Variants in RAB24 observed in about 807,000 individuals in gnomAD.
RAB24 encodes RAB24, member RAS oncogene family.
Under a neutral mutation model 31.4 loss-of-function variants are expected in RAB24, and 9 were observed. The observed-to-expected ratio is 0.29, with a 90% CI of 0.17 to 0.50. The LOEUF is 0.50. Among genes scored for constraint, RAB24 ranks in the 20% least tolerant of loss-of-function variants. RAB24 has a pLI of 0.98. For synonymous variants in RAB24, 106 were observed against 94.1 expected, an observed-to-expected ratio of 1.13 and a Z score of -0.73; for missense variants, 197 against 265.2, an observed-to-expected ratio of 0.74 and a Z score of 1.79.
At chr5:177,302,709 C>A (rs1713648646) in intron 3 of RAB24, 43 bp downstream of exon 3, 1 of 1,611,974 alleles carries the variant, frequency 6.2e-7, no homozygotes, top group African/African-American at 1.4e-5. Flanking sequence ...AGCCTGGCAC[C>A]CATCTTTTCT....
intron 5 of RAB24, 22 bp downstream of exon 5, chr5:177,302,375 C>CA (rs1561589553): frequency 1.1e-5 from 18 of 1,611,614 alleles, no homozygotes; most frequent in Non-Finnish European, 1.4e-5. Context: ...CCCCACCCCC[C>CA]AAAGGGCTGA....
intron 2 of RAB24, 52 bp downstream of exon 2, chr5:177,302,957 C>G: frequency 6.2e-7 from 1 of 1,602,710 alleles, no homozygotes; most frequent in African/African-American, 1.3e-5. Context: ...TAGGCAGGAC[C>G]TACACCTCCT....
chr5:177,302,500 A>C lies in RAB24; in HGVS notation c.334-4T>G. On this transcript the variant is annotated splice_region_variant and splice_polypyrimidine_tract_variant and intron_variant, in intron 4 of 7. Coordinates refer to ENST00000303251, the MANE Select transcript of RAB24 (RefSeq NM_001031677.4). ...CACATAAGTAGATTTGGCAGCCCTG[A>C]GGCAGAAGACAAGGGTCACCTCCAC... 6.2e-7 allele frequency: 1 copy of C among 1,614,016 alleles called. No homozygotes were observed. Among genetic ancestry groups the C allele is most frequent in the Non-Finnish European group, 8.5e-7 (1 of 1,180,022 alleles).
Position 177,302,631 on chromosome 5 carries a change from G to A in RAB24, c.279C>T (p.Ser93=). The A allele has an allele frequency of 6.2e-7, 1 of 1,614,124 alleles. No homozygotes were observed. Among genetic ancestry groups the A allele is most frequent in the Non-Finnish European group, 8.5e-7 (1 of 1,180,032 alleles). Reference sequence around the variant, plus strand: ...AGAACTTTGCTCGCTCAAAGCTGCTGCTGTCTGTGAGGTCTTGGTGTGCGG... The same window carrying A: ...AGAACTTTGCTCGCTCAAAGCTGCTACTGTCTGTGAGGTCTTGGTGTGCGG... ...AAIVCYDLTD[S]SSFERAKFWV... The change falls in exon 4 of 8, where the codon AGC becomes AGT. Residue 93 remains serine (S), a synonymous_variant. Coordinates refer to ENST00000303251, the MANE Select transcript of RAB24 (RefSeq NM_001031677.4).
chr5:177,303,226 A>C lies in RAB24; in HGVS notation c.63T>G (p.Thr21=). Residue 21 remains threonine, a synonymous_variant, in exon 1 of 8, where the codon ACT becomes ACG. Coordinates refer to ENST00000303251, the MANE Select transcript of RAB24 (RefSeq NM_001031677.4). The surrounding 1 kb of genome is among the most constrained non-coding windows in gnomAD (Gnocchi z 6.1). ...CGTGCACGTAGCGCTCCACCAGGCTAGTCTTGCCCACGTACTCCTTGCCCA... is the reference window on the plus strand; with the variant it reads ...CGTGCACGTAGCGCTCCACCAGGCTCGTCTTGCCCACGTACTCCTTGCCCA... ...VMLGKEYVGK[T]SLVERYVHDR... is the part of the protein sequence containing the mutation. 6.2e-7 allele frequency: 1 copy of C among 1,613,744 alleles called. No individual in the cohort carries two copies. The highest frequency in any genetic ancestry group is 8.5e-7 in the Non-Finnish European group (1 of 1,180,016).
At position 177,301,773 on chromosome 5, in the gene RAB24, G is replaced by A; in HGVS notation, c.582C>T (p.Asn194=). The change falls in exon 8 of 8, where the codon AAC becomes AAT. Residue 194 remains asparagine (N), a synonymous_variant. Transcript: ENST00000303251. ...GATGACAACAGCTGTAGAAGTAGGG[G>A]TTTGGCTTCTGGCCCAGATCCACGC... is the stretch of plus-strand genomic sequence containing the variant. ...DKGVDLGQKP[N]PYFYSCCHH 1 of 1,614,230 alleles carries A rather than the reference G, an allele frequency of 6.2e-7. No individual in the cohort carries two copies. Among genetic ancestry groups the A allele is most frequent in the Non-Finnish European group, 8.5e-7 (1 of 1,180,032 alleles).
intron 5 of RAB24, 34 bp downstream of exon 5, chr5:177,302,363 A>AC (rs1259140563): frequency 1.9e-6 from 3 of 1,605,810 alleles, no homozygotes; most frequent in East Asian, 2.2e-5. Flanking sequence ...ACAGCCACAC[A>AC]CCCCCACCCC....
chr5:177,302,513 G>A lies in RAB24; in HGVS notation c.334-17C>T. 2 of 1,613,962 alleles carry A rather than the reference G, an allele frequency of 1.2e-6. No individual in the cohort carries two copies. The highest frequency in any genetic ancestry group is 1.7e-6 in the Non-Finnish European group (2 of 1,179,968). On this transcript the variant is annotated splice_polypyrimidine_tract_variant and intron_variant, in intron 4 of 7. Transcript: ENST00000303251. Reference sequence around the variant, plus strand: ...TTGGCAGCCCTGAGGCAGAAGACAAGGGTCACCTCCACAGGCCAACAAAAC... The same window carrying A: ...TTGGCAGCCCTGAGGCAGAAGACAAAGGTCACCTCCACAGGCCAACAAAAC...
intron 4 of RAB24, 38 bp downstream of exon 4, chr5:177,302,539 C>G (rs1228951109): frequency 2.5e-6 from 4 of 1,614,092 alleles, no homozygotes; most frequent in Admixed American, 1.7e-5. Flanking sequence ...CCAACAAAAC[C>G]CCAGCCCCTA....
intron 2 of RAB24, 43 bp downstream of exon 2, chr5:177,302,966 C>T (rs774392077): frequency 6.2e-7 from 1 of 1,607,094 alleles, no homozygotes; most frequent in Non-Finnish European, 8.5e-7. Flanking sequence ...CCTACACCTC[C>T]TCAGGAATGA....
rs1760756773 is a variant in RAB24 at position 177,303,476 on chromosome 5, G to C, written c.-188C>G. 5 of 616,576 alleles carry C rather than the reference G, an allele frequency of 8.1e-6. No homozygotes were observed. Among genetic ancestry groups the C allele is most frequent in the Non-Finnish European group, 1.4e-5 (5 of 351,152 alleles). The allele number at this position is 616,576 out of a possible 1,614,324, so 38.2% of individuals were successfully genotyped here. A position where few individuals can be genotyped will look rare whatever the true frequency, so the allele number is the denominator to read the frequency against. The stretch of plus-strand genomic sequence containing the variant: ...CTTGCACTTCGGCAGCGCCCCGTGT[G>C]CCCCCGCTGTTCGGCCCCGGGCGCC... On this transcript the variant is annotated 5_prime_UTR_variant, in exon 1 of 8. Coordinates refer to ENST00000303251, the MANE Select transcript of RAB24 (RefSeq NM_001031677.4). The surrounding 1 kb of genome is among the most constrained non-coding windows in gnomAD (Gnocchi z 6.1).
At position 177,301,498 on chromosome 5, in the gene RAB24, A is replaced by C. The variant is rs1760646111; in HGVS notation, c.*245T>G. On this transcript the variant is annotated 3_prime_UTR_variant, in exon 8 of 8. Transcript: ENST00000303251. The stretch of plus-strand genomic sequence containing the variant: ...TTATTTACAGATCAAAAGCCACTTA[A>C]ATAATCTGCAGACACAAGTGCTGTC... The C allele has an allele frequency of 3.5e-6, 2 of 567,716 alleles. No homozygotes were observed. Among genetic ancestry groups the C allele is most frequent in the South Asian group, 2.1e-5 (1 of 47,446 alleles). 35.2% of individuals were successfully genotyped at this position (567,716 alleles called of 1,614,324 possible).
rs777474622 is a variant in RAB24, at chr5:177,301,955, C to T, written c.517G>A (p.Val173Ile). The change falls in exon 7 of 8, where the codon GTC (valine) becomes ATC (isoleucine). Residue 173 changes from valine to isoleucine, a missense_variant. This residue lies in a region of RAB24 where 148 missense variants were observed against 159.7 expected (regional missense o/e 0.93). Transcript: ENST00000303251. ...ATCACCTGGAAGGCAGCCACACTGA[C>T]GTAATCCTCTGCCACTTTCTGGAAG... ...ELFQKVAEDYVSVAAFQVMTE... is the reference protein window; with the variant it reads ...ELFQKVAEDYISVAAFQVMTE... 30 of 1,614,086 alleles carry T rather than the reference C, an allele frequency of 1.9e-5. No homozygotes were observed. Among genetic ancestry groups the T allele is most frequent in the South Asian group, 4.4e-5 (4 of 91,088 alleles).
rs540113150 is a variant in RAB24 at position 177,303,708 on chromosome 5, A to C, written c.-420T>G. 1.4e-5 allele frequency: 5 copies of C among 355,684 alleles called. No individual in the cohort carries two copies. The highest frequency in any genetic ancestry group is 2.5e-5 in the Non-Finnish European group (5 of 198,838). The allele number at this position is 355,684 out of a possible 1,614,324, so 22.0% of individuals were successfully genotyped here. On this transcript the variant is annotated 5_prime_UTR_variant, in exon 1 of 8. Transcript: ENST00000303251. This position sits in a 1 kb window ranked among gnomAD's most constrained non-coding sequence, Gnocchi z 6.1. ...CCCGCAGCGCCGCGACTCCCGCGGGAGGGGGCTAGAGGGCGAGGGGGCGGG... is the reference window on the plus strand; with the variant it reads ...CCCGCAGCGCCGCGACTCCCGCGGGCGGGGGCTAGAGGGCGAGGGGGCGGG...
Position 177,302,483 on chromosome 5 carries a change from T to A in RAB24, c.347A>T (p.Tyr116Phe). 6.2e-7 allele frequency: 1 copy of A among 1,613,960 alleles called. No individual in the cohort carries two copies. The highest frequency in any genetic ancestry group is 8.5e-7 in the Non-Finnish European group (1 of 1,180,020). The part of the protein sequence containing the change: ...LRSLEEGCQI[Y>F]LCGTKSDLLE... Reference sequence around the variant, plus strand: ...CAGGTCACTCTTGGTGCCACATAAGTAGATTTGGCAGCCCTGAGGCAGAAG... The same window carrying A: ...CAGGTCACTCTTGGTGCCACATAAGAAGATTTGGCAGCCCTGAGGCAGAAG... The change falls in exon 5 of 8, where the codon TAC becomes TTC. Residue 116 changes from tyrosine (Y) to phenylalanine (F), a missense_variant. This residue lies in a region of RAB24 where 148 missense variants were observed against 159.7 expected (regional missense o/e 0.93). Coordinates refer to ENST00000303251, the MANE Select transcript of RAB24 (RefSeq NM_001031677.4).
chr5:177,301,457 G>T lies in RAB24; in HGVS notation c.*286C>A, dbSNP rs1128287. The stretch of plus-strand genomic sequence containing the variant: ...AGCAGGGAAAGGGGCTGGGTGTGAT[G>T]CACAGTGCACTGATTTTATTTACAG... On this transcript the variant is annotated 3_prime_UTR_variant, in exon 8 of 8. Coordinates refer to ENST00000303251, the MANE Select transcript of RAB24 (RefSeq NM_001031677.4). 0.77 allele frequency: 360,742 copies of T among 466,952 alleles called. 141,292 individuals are homozygous for T. Among genetic ancestry groups the T allele is most frequent in the Middle Eastern group, 0.88 (1,461 of 1,658 alleles). 28.9% of individuals were successfully genotyped at this position (466,952 alleles called of 1,614,324 possible).
chr5:177,302,697 C>A, intron 3 of RAB24, 53 bp from the exon 4 acceptor site: 4 of 1,612,910 alleles, frequency 2.5e-6, no homozygotes, highest in Non-Finnish European at 2.5e-6. Context: ...TGTTCTCTGG[C>A]TAGCCTGGCA....
rs751104672 is a variant in RAB24, at chr5:177,301,924, C to G, written c.547+1G>C. ...TCCATAAAGGCTGGGGAAGCACACA[C>G]CTGTCATCACCTGGAAGGCAGCCAC... On this transcript the variant is annotated splice_donor_variant, in intron 7 of 7. Transcript: ENST00000303251. LOFTEE classifies it high-confidence loss of function. 1 of 1,614,112 alleles carries G rather than the reference C, an allele frequency of 6.2e-7. No individual in the cohort carries two copies. Among genetic ancestry groups the G allele is most frequent in the Non-Finnish European group, 8.5e-7 (1 of 1,179,936 alleles).
chr5:177,303,364 G>C lies in RAB24; in HGVS notation c.-76C>G. Reference sequence around the variant, plus strand: ...CAAACCCCGATCTCCGCTCGGCCCAGGCAGCGCCCAAGCCTCAGACCCCGA... The same window carrying C: ...CAAACCCCGATCTCCGCTCGGCCCACGCAGCGCCCAAGCCTCAGACCCCGA... On this transcript the variant is annotated 5_prime_UTR_variant, in exon 1 of 8. Coordinates refer to ENST00000303251, the MANE Select transcript of RAB24 (RefSeq NM_001031677.4). This position sits in a 1 kb window ranked among gnomAD's most constrained non-coding sequence, Gnocchi z 6.1. 1 of 1,455,242 alleles carries C rather than the reference G, an allele frequency of 6.9e-7. No homozygotes were observed. Among genetic ancestry groups the C allele is most frequent in the Non-Finnish European group, 9.6e-7 (1 of 1,044,858 alleles). 90.1% of individuals were successfully genotyped at this position (1,455,242 alleles called of 1,614,324 possible). A position where few individuals can be genotyped will look rare whatever the true frequency, so the allele number is the denominator to read the frequency against.
Sources: allele counts gnomAD v4.1 joint callset, GRCh38; gene constraint gnomAD v4.1.1; regional missense constraint gnomAD v4.1.1; non-coding constraint Gnocchi (gnomAD v3.1); transcripts MANE v1.5; gene names NCBI Gene and HGNC (gene_info 2026-07-23, HGNC 2026-07-21).